The following CNKSR3 variants were observed in gnomAD, a reference collection of about 807,000 sequenced individuals.
CNKSR3 encodes connector enhancer of kinase suppressor of ras 3.
CNKSR3 carries 36 observed loss-of-function variants against 67.7 expected under a neutral mutation model. The observed-to-expected ratio is 0.53, with a 90% CI of 0.41 to 0.70. The LOEUF is 0.70. Among genes scored for constraint, CNKSR3 ranks in the 30% least tolerant of loss-of-function variants. The pLI, the probability that CNKSR3 is intolerant of heterozygous loss-of-function variation, is 0.00. For synonymous variants in CNKSR3, 281 were observed against 271.4 expected, an observed-to-expected ratio of 1.04 and a Z score of -0.35; for missense variants, 630 against 695.2, an observed-to-expected ratio of 0.91 and a Z score of 1.05.
intron 5 of CNKSR3, among the ~76,000 whole-genome samples, chr6:154,433,264 T>C (rs779305733): frequency 1.3e-4 from 20 of 152,248 alleles, no homozygotes; most frequent in Non-Finnish European, 1.5e-4. Flanking sequence ...GTAGTTAATT[T>C]AAGCACAGGA....
At chr6:154,442,757 C>T (rs1029101981) in intron 2 of CNKSR3, among the ~76,000 whole-genome samples, 21 of 152,350 alleles carry the variant, frequency 1.4e-4, no homozygotes, top group Middle Eastern at 3.4e-3. Context: ...ACTTCACTCA[C>T]CCCACCCATA....
Position 154,411,118 on chromosome 6 carries a change from A to C in CNKSR3, c.1095T>G (p.Tyr365Ter). 6.2e-7 allele frequency: 1 copy of C among 1,612,560 alleles called. No homozygotes were observed. Reference sequence around the variant, plus strand: ...GTTGTTTGCACTTACTGGACCCTCCATAAACAAAACTGCCATTCTCATCCC... The same window carrying C: ...GTTGTTTGCACTTACTGGACCCTCCCTAAACAAAACTGCCATTCTCATCCC... ...SPRDENGSFV[Y>*]GGSSKCKQPL... The change falls in exon 11 of 13, where the codon TAT (tyrosine) becomes TAG (stop). Residue 365 changes from tyrosine (Y) to a stop codon, truncating the protein, a stop_gained. Transcript: ENST00000607772. LOFTEE classifies it high-confidence loss of function.
chr6:154,416,413 T>C (rs1385355774), intron 9 of CNKSR3, among the ~76,000 whole-genome samples: 5 of 152,184 alleles, frequency 3.3e-5, no homozygotes, highest in African/African-American at 7.2e-5. Flanking sequence ...CAATTTGTAA[T>C]TGATTGACAT....
At chr6:154,412,374 A>G (rs982751422) in intron 10 of CNKSR3, among the ~76,000 whole-genome samples, 2 of 152,162 alleles carry the variant, frequency 1.3e-5, no homozygotes, top group African/African-American at 2.4e-5. Context: ...GAGCAGTTTA[A>G]TCCAGCTCTC....
chr6:154,420,241 A>T (rs1785112059), intron 9 of CNKSR3, among the ~76,000 whole-genome samples: 3 of 131,970 alleles, frequency 2.3e-5, no homozygotes, highest in African/African-American at 8.7e-5. Flanking sequence ...AAAAAAAAAA[A>T]ATTGAACTCT....
In CNKSR3 at chr6:154,486,367, C is replaced by T. The variant is rs1204714330; in HGVS notation, c.52+23696G>A. Among the ~76,000 whole-genome samples, 7 of 151,678 alleles carry T rather than the reference C, an allele frequency of 4.6e-5. No individual in the cohort carries two copies. The East Asian group carries it at 5.8e-4, about 13-fold the overall frequency. On this transcript the variant is annotated intron_variant, in intron 1 of 12. Transcript: ENST00000607772. ...CCAGAGTGCAGTCGTGCGATCTCGGCTCATGGCAGCCTCCGCCTCCTGGCT... is the reference window on the plus strand; with the variant it reads ...CCAGAGTGCAGTCGTGCGATCTCGGTTCATGGCAGCCTCCGCCTCCTGGCT...
rs1784705819 is a variant in CNKSR3 at position 154,400,569 on chromosome 6, T to C, written c.*5785A>G. 6.6e-6 allele frequency: 1 copy of C among 152,184 alleles called. No homozygotes were observed. The highest frequency in any genetic ancestry group is 1.5e-5 in the Non-Finnish European group (1 of 68,034). 9.4% of individuals were successfully genotyped at this position (152,184 alleles called of 1,614,324 possible). A position where few individuals can be genotyped will look rare whatever the true frequency, so the allele number is the denominator to read the frequency against. ...TTTTGTTGCTTATAGACAAAATTTC[T>C]CTCCTCTATCCAAATCAGTAGGCCA... On this transcript the variant is annotated 3_prime_UTR_variant, in exon 13 of 13. Coordinates refer to ENST00000607772, the MANE Select transcript of CNKSR3 (RefSeq NM_173515.4).
chr6:154,413,843 G>A (rs1337185817), intron 10 of CNKSR3, among the ~76,000 whole-genome samples: 2 of 152,054 alleles, frequency 1.3e-5, no homozygotes, highest in African/African-American at 4.8e-5. Context: ...CACCTCCTAG[G>A]CTCAAGCGAT....
chr6:154,434,595 G>A (rs1785433105), intron 4 of CNKSR3, among the ~76,000 whole-genome samples: 1 of 151,812 alleles, frequency 6.6e-6, no homozygotes, highest in Non-Finnish European at 1.5e-5. Context: ...TCTTACATTT[G>A]TTTAAAATTT....
chr6:154,433,621 C>G, intron 4 of CNKSR3, 114 bp from the exon 5 acceptor site: 2 of 751,128 alleles, frequency 2.7e-6, no homozygotes, highest in Non-Finnish European at 2.3e-6. Context: ...CTGACACACC[C>G]GTCAGCCTGC....
Position 154,466,786 on chromosome 6 carries a change from A to ATTTT in CNKSR3, c.53-16532_53-16529dup, listed in dbSNP as rs368521995. On this transcript the variant is annotated intron_variant, in intron 1 of 12. Transcript: ENST00000607772. The stretch of plus-strand genomic sequence containing the variant: ...AGGTGCACACCATCACGCCCAGCTA[A>ATTTT]TTTTTTTGTTTTTTTTTTTTATAGA... Among the ~76,000 whole-genome samples the ATTTT allele has an allele frequency of 1.5e-5, 2 of 137,828 alleles. 1 individual carries two copies. Among genetic ancestry groups the ATTTT allele is most frequent in the African/African-American group, 5.9e-5 (2 of 33,744 alleles). 90.4% of individuals were successfully genotyped at this position (137,828 alleles called of 152,430 possible). A position where few individuals can be genotyped will look rare whatever the true frequency, so the allele number is the denominator to read the frequency against.
Position 154,486,639 on chromosome 6 carries a change from C to T in CNKSR3, c.52+23424G>A, listed in dbSNP as rs972926221. Among the ~76,000 whole-genome samples the T allele has an allele frequency of 8.7e-5, 13 of 150,126 alleles. 1 individual carries two copies. Among genetic ancestry groups the T allele is most frequent in the East Asian group, 3.9e-4 (2 of 5,142 alleles). On this transcript the variant is annotated intron_variant, in intron 1 of 12. Transcript: ENST00000607772. ...TCCCAAGTAGCTGGGATTACAGGCA[C>T]ACACCACCACACCCAGCTAATCTTT...
At position 154,414,390 on chromosome 6, in the gene CNKSR3, C is replaced by A. The variant is rs1562320678; in HGVS notation, c.979G>T (p.Glu327Ter). Residue 327 changes from glutamate to a stop codon, truncating the protein, a stop_gained, in exon 10 of 13, where the codon GAA becomes TAA. Transcript: ENST00000607772. LOFTEE classifies it high-confidence loss of function. ...TTCAGTGAGGTATCCATAGTGCTTT[C>A]AGGGGACTGGGTTGTCGCGGGTGGA... ...SPPPATTQSP[E>*]STMDTSLKKE... is the part of the protein sequence containing the mutation. 6.2e-7 allele frequency: 1 copy of A among 1,608,124 alleles called. No homozygotes were observed. The highest frequency in any genetic ancestry group is 1.1e-5 in the South Asian group (1 of 89,782).
At chr6:154,447,267 C>T (rs1445248948) in intron 2 of CNKSR3, among the ~76,000 whole-genome samples, 1 of 152,108 alleles carries the variant, frequency 6.6e-6, no homozygotes. Flanking sequence ...CCACATGGAG[C>T]TTCTGAGTAC....
chr6:154,410,572 T>A, intron 11 of CNKSR3, 140 bp from the exon 12 acceptor site: 1 of 624,534 alleles, frequency 1.6e-6, no homozygotes, highest in South Asian at 2.0e-5. Flanking sequence ...AATAAAAGTA[T>A]TTTAAAGCAC....
At position 154,411,083 on chromosome 6, in the gene CNKSR3, C is replaced by G. The variant is rs748575252; in HGVS notation, c.1130G>C (p.Gly377Ala). The G allele has an allele frequency of 3.1e-6, 5 of 1,613,938 alleles. No individual in the cohort carries two copies. The African/African-American group carries it at 6.7e-5, about 22-fold the overall frequency. ...GSSKCKQPLP[G>A]PKGSESPNSF... ...ATTCGGGGACTCTGAACCCTTAGGA[C>G]CAGGCAATGGTTGTTTGCACTTACT... Residue 377 changes from glycine (G) to alanine (A), a missense_variant, in exon 11 of 13, where the codon GGT becomes GCT. By Grantham distance (60) the Gly-to-Ala change is moderately conservative. Transcript: ENST00000607772.
chr6:154,498,789 G>C (rs1220340794), intron 1 of CNKSR3, among the ~76,000 whole-genome samples: 1 of 152,186 alleles, frequency 6.6e-6, no homozygotes, highest in Non-Finnish European at 1.5e-5. Context: ...TAAGACAAAA[G>C]AGCTTTTTGC....
At position 154,422,600 on chromosome 6, in the gene CNKSR3, C is replaced by G. The variant is rs751384658; in HGVS notation, c.851G>C (p.Gly284Ala). 2.5e-6 allele frequency: 4 copies of G among 1,613,890 alleles called. No homozygotes were observed. In the East Asian group the frequency reaches 6.7e-5, roughly 27 times the overall value. The change falls in exon 9 of 13, where the codon GGA (glycine) becomes GCA (alanine). Residue 284 changes from glycine (G) to alanine (A), a missense_variant. This residue lies in a region of CNKSR3 where 133 missense variants were observed against 190.6 expected (regional missense o/e 0.70). Transcript: ENST00000607772. ...GCGCTTCTTAAGCAGTAACACAACT[C>G]CGGTGGGATTCTCTCTCAATTTCTT... ...LVKKLRENPT[G>A]VVLLLKKRPT...
chr6:154,439,261 AC>A (rs1417985975), intron 4 of CNKSR3, among the ~76,000 whole-genome samples: 1 of 152,196 alleles, frequency 6.6e-6, no homozygotes, highest in Admixed American at 6.5e-5. Context: ...AAGGTCAGGG[AC>A]TTTTTATCTG....
Sources: allele counts gnomAD v4.1 joint callset (sites outside exome capture counted in the v4.1 genomes callset), GRCh38; gene constraint gnomAD v4.1.1; regional missense constraint gnomAD v4.1.1; transcripts MANE v1.5; gene names NCBI Gene and HGNC (gene_info 2026-07-23, HGNC 2026-07-21).